UBTD2: variants seen among roughly 807,000 people sequenced by gnomAD.
UBTD2 encodes the protein ubiquitin domain containing 2.
In UBTD2, 9 loss-of-function variants were observed where a neutral mutation model predicts 19.8. The ratio of observed to expected loss-of-function variants is 0.46; its 90% CI spans 0.27 to 0.79. UBTD2 has a LOEUF of 0.79. UBTD2 is among the 30% of genes least tolerant of loss of function. The pLI, the probability that UBTD2 is intolerant of heterozygous loss-of-function variation, is 0.14. For synonymous variants in UBTD2, 98 were observed against 103.9 expected, an observed-to-expected ratio of 0.94 and a Z score of 0.35; for missense variants, 250 against 300.4, an observed-to-expected ratio of 0.83 and a Z score of 1.24.
chr5:172,242,100 G>A lies in UBTD2; in HGVS notation c.71-7742C>T, dbSNP rs528398772. ...CCCTTTTTTTCTCTTGCTATGTGAT[G>A]CAATGGCTCCCCCTTTGCCTTCCGC... is the stretch of plus-strand genomic sequence containing the variant. On this transcript the variant is annotated intron_variant, in intron 1 of 2. Transcript: ENST00000393792. 5.3e-5 allele frequency among the ~76,000 whole-genome samples: 8 copies of A among 152,290 alleles called. No homozygotes were observed. In the East Asian group the frequency reaches 1.5e-3, roughly 29 times the overall value.
At chr5:172,258,753 G>A (rs1432026198) in intron 1 of UBTD2, among the ~76,000 whole-genome samples, 2 of 152,004 alleles carry the variant, frequency 1.3e-5, no homozygotes, top group African/African-American at 2.4e-5. Flanking sequence ...TTTAGCTCTC[G>A]GCTTGGATGT....
chr5:172,216,430 G>A (rs897798293), intron 2 of UBTD2, among the ~76,000 whole-genome samples: 5 of 150,838 alleles, frequency 3.3e-5, no homozygotes, highest in Admixed American at 2.6e-4. Context: ...TCAAACTTCA[G>A]GAAATCAAAG....
In UBTD2 at chr5:172,269,561, C is replaced by A. The variant is rs1026341744; in HGVS notation, c.70+14035G>T. 7.9e-5 allele frequency among the ~76,000 whole-genome samples: 12 copies of A among 151,450 alleles called. 1 individual carries two copies. Among genetic ancestry groups the A allele is most frequent in the Admixed American group, 2.6e-4 (4 of 15,178 alleles). On this transcript the variant is annotated intron_variant, in intron 1 of 2. Coordinates refer to ENST00000393792, the MANE Select transcript of UBTD2 (RefSeq NM_152277.3). ...ACCTTGGTAAAGATGGTCTATCCAT[C>A]CACTCCTTTCAACAATGAAAGAAAT...
chr5:172,248,168 G>C (rs1483919804), intron 1 of UBTD2, among the ~76,000 whole-genome samples: 1 of 152,162 alleles, frequency 6.6e-6, no homozygotes, highest in Admixed American at 6.6e-5. Flanking sequence ...TGAAAGCAAT[G>C]CTCAGAGGAA....
Position 172,245,393 on chromosome 5 carries a change from G to A in UBTD2, c.71-11035C>T, listed in dbSNP as rs145031431. On this transcript the variant is annotated intron_variant, in intron 1 of 2. Transcript: ENST00000393792. ...GTGTTTGAACTGACCCAAGTTCCAC[G>A]TTCACCTCTAACCTGTGCATGCATG... is the stretch of plus-strand genomic sequence containing the variant. Among the ~76,000 whole-genome samples the A allele has an allele frequency of 1.4e-3, 206 of 152,244 alleles. 3 individuals carry two copies. In the East Asian group the frequency reaches 0.028, roughly 20 times the overall value.
intron 1 of UBTD2, among the ~76,000 whole-genome samples, chr5:172,273,180 T>A (rs890018444): frequency 1.3e-5 from 2 of 152,064 alleles, no homozygotes; most frequent in Non-Finnish European, 2.9e-5. Context: ...ATTGCTATCA[T>A]GTCTAATGGA....
chr5:172,256,050 C>A (rs1755141336), intron 1 of UBTD2, among the ~76,000 whole-genome samples: 1 of 152,048 alleles, frequency 6.6e-6, no homozygotes, highest in Non-Finnish European at 1.5e-5. Context: ...GATCACACCA[C>A]TGCACTCCAG....
At chr5:172,258,658 T>A (rs534238004) in intron 1 of UBTD2, among the ~76,000 whole-genome samples, 1 of 152,204 alleles carries the variant, frequency 6.6e-6, no homozygotes, top group African/African-American at 2.4e-5. Flanking sequence ...ATTCTTGTTG[T>A]AGAGATCTTT....
intron 1 of UBTD2, among the ~76,000 whole-genome samples, chr5:172,275,657 T>C (rs762344081): frequency 5.9e-5 from 9 of 152,184 alleles, no homozygotes; most frequent in Non-Finnish European, 1.0e-4. Context: ...CACTCACTTT[T>C]ACACCTTCAG....
chr5:172,212,100 T>A lies in UBTD2; in HGVS notation c.435A>T (p.Pro145=). Residue 145 remains proline, a synonymous_variant, in exon 3 of 3, where the codon CCA becomes CCT. Transcript: ENST00000393792. ...GCTGACATTCATATCCAGAATTGGG[T>A]GGTGGCTCAGGAATATCCAGAGTCT... ...DIETLDIPEP[P]PNSGYECQLR... is the part of the protein sequence containing the mutation. 1.2e-6 allele frequency: 2 copies of A among 1,614,204 alleles called. No individual in the cohort carries two copies. The highest frequency in any genetic ancestry group is 1.7e-6 in the Non-Finnish European group (2 of 1,180,038).
At chr5:172,242,981 C>G (rs1772161354) in intron 1 of UBTD2, among the ~76,000 whole-genome samples, 1 of 151,998 alleles carries the variant, frequency 6.6e-6, no homozygotes, top group South Asian at 2.1e-4. Flanking sequence ...GAAATTGACC[C>G]ACATTGTCTC....
At chr5:172,259,698 A>G (rs1755228806) in intron 1 of UBTD2, among the ~76,000 whole-genome samples, 2 of 151,970 alleles carry the variant, frequency 1.3e-5, no homozygotes, top group Non-Finnish European at 2.9e-5. Flanking sequence ...AAGTGTTCCA[A>G]TCTGAACTTG....
At chr5:172,263,569 C>T (rs568897203) in intron 1 of UBTD2, among the ~76,000 whole-genome samples, 92 of 152,112 alleles carry the variant, frequency 6.0e-4, no homozygotes, top group Non-Finnish European at 7.9e-4. Context: ...TTGAGGCAGG[C>T]GGATCACGAG....
intron 1 of UBTD2, among the ~76,000 whole-genome samples, chr5:172,278,153 T>C (rs1017434040): frequency 3.3e-5 from 5 of 152,162 alleles, no homozygotes; most frequent in African/African-American, 1.2e-4. Flanking sequence ...ACCCATTAAT[T>C]CCACTCCTAT....
At chr5:172,275,384 C>A (rs1755587430) in intron 1 of UBTD2, among the ~76,000 whole-genome samples, 1 of 152,220 alleles carries the variant, frequency 6.6e-6, no homozygotes, top group Middle Eastern at 3.4e-3. Flanking sequence ...CAAACGGTAT[C>A]ACACCACAGC....
At chr5:172,234,037 G>A (rs1771958929) in intron 2 of UBTD2, 85 bp downstream of exon 2, 5 of 1,397,366 alleles carry the variant, frequency 3.6e-6, no homozygotes, top group Admixed American at 1.9e-5. Context: ...TTCATAGCAA[G>A]GAAAAACACT....
chr5:172,218,978 T>C (rs927198630), intron 2 of UBTD2, among the ~76,000 whole-genome samples: 79 of 151,966 alleles, frequency 5.2e-4, no homozygotes, highest in African/African-American at 1.8e-3. Flanking sequence ...CCCACAGATG[T>C]TGAAAGGATA....
intron 1 of UBTD2, among the ~76,000 whole-genome samples, chr5:172,238,622 A>AG (rs1228034951): frequency 3.3e-5 from 5 of 152,208 alleles, no homozygotes; most frequent in African/African-American, 1.2e-4. Context: ...AACCCAAGTA[A>AG]GGCTTGTTTC....
rs191080346 is a variant in UBTD2, at chr5:172,213,572, A to C, written c.308-1345T>G. Among the ~76,000 whole-genome samples, 135 of 152,314 alleles carry C rather than the reference A, an allele frequency of 8.9e-4. 3 individuals are homozygous for C. Among genetic ancestry groups the C allele is most frequent in the Admixed American group, 8.2e-3 (126 of 15,302 alleles). ...ACTCAAGGTTTTAAAAAAATGCATT[A>C]ATGGTTAACTTCCTTACAAATCATA... On this transcript the variant is annotated intron_variant, in intron 2 of 2. Coordinates refer to ENST00000393792, the MANE Select transcript of UBTD2 (RefSeq NM_152277.3).
Sources: allele counts gnomAD v4.1 joint callset (sites outside exome capture counted in the v4.1 genomes callset), GRCh38; gene constraint gnomAD v4.1.1; transcripts MANE v1.5; gene names NCBI Gene and HGNC (gene_info 2026-07-23, HGNC 2026-07-21).